Variants in MCF2L observed in about 807,000 individuals in gnomAD.
MCF2L encodes the protein MCF.2 cell line derived transforming sequence like.
Under a neutral mutation model 153.4 loss-of-function variants are expected in MCF2L, and 97 were observed. The observed-to-expected ratio is 0.63, with a 90% CI of 0.54 to 0.75. The LOEUF (loss-of-function observed/expected upper bound fraction) is 0.75. Ranked by LOEUF, MCF2L falls within the 30% of genes least tolerant of loss-of-function variation. The pLI is 0.00. For synonymous variants in MCF2L, 659 were observed against 632.2 expected (o/e 1.04, Z -0.64); for missense variants, 1,347 against 1,495.2 (o/e 0.90, Z 1.64).
intron 5 of MCF2L, among the ~76,000 whole-genome samples, chr13:113,063,622 G>A (rs2031902168): frequency 6.6e-6 from 1 of 152,212 alleles, no homozygotes; most frequent in Non-Finnish European, 1.5e-5. Context: ...CTGAGGTTTA[G>A]CTCAGGGGTT....
At chr13:113,013,568 A>C (rs188153074) in intron 1 of MCF2L, among the ~76,000 whole-genome samples, 9 of 152,308 alleles carry the variant, frequency 5.9e-5, no homozygotes, top group Non-Finnish European at 8.8e-5. Context: ...TGCCAGGTAG[A>C]TATTATCTGG....
At chr13:113,039,080 C>T (rs1417056036) in intron 3 of MCF2L, among the ~76,000 whole-genome samples, 27 of 152,118 alleles carry the variant, frequency 1.8e-4, no homozygotes. Flanking sequence ...TGGATGGTCT[C>T]GATCTCCTGA....
chr13:113,057,996 T>C (rs1333069716), intron 4 of MCF2L, among the ~76,000 whole-genome samples: 1 of 141,478 alleles, frequency 7.1e-6, no homozygotes, highest in Non-Finnish European at 1.5e-5. Context: ...GGGTGCTGAG[T>C]GTTTGGGCTC....
At chr13:113,033,410 G>A (rs1432571653) in intron 3 of MCF2L, among the ~76,000 whole-genome samples, 3 of 115,072 alleles carry the variant, frequency 2.6e-5, no homozygotes, top group Non-Finnish European at 3.8e-5. Flanking sequence ...AGTGGACCCC[G>A]TGGCGTGAGT....
At chr13:112,911,451 C>T (rs1022349460) in intron 2 of MCF2L, among the ~76,000 whole-genome samples, 24 of 152,254 alleles carry the variant, frequency 1.6e-4, no homozygotes, top group African/African-American at 5.8e-4. Flanking sequence ...AGGTTCTTCT[C>T]TCCCAGCGTG....
chr13:112,899,251 G>A (rs558530293), intron 1 of MCF2L, among the ~76,000 whole-genome samples: 17 of 152,280 alleles, frequency 1.1e-4, no homozygotes, highest in African/African-American at 3.9e-4. Context: ...GAGGCGCCTC[G>A]CTCAGCCCAG....
chr13:113,005,794 T>C (rs148298592), intron 1 of MCF2L, among the ~76,000 whole-genome samples: 46 of 152,308 alleles, frequency 3.0e-4, no homozygotes, highest in African/African-American at 1.1e-3. Flanking sequence ...AGTTTGGTGG[T>C]GGCTATGGTT....
chr13:113,029,304 C>G (rs1050965341), intron 3 of MCF2L, among the ~76,000 whole-genome samples: 1 of 152,122 alleles, frequency 6.6e-6, no homozygotes, highest in Non-Finnish European at 1.5e-5. Flanking sequence ...GTGGGGACCC[C>G]GTGCCTCCAG....
In MCF2L at chr13:113,087,733, C is replaced by T. The variant is rs745692431; in HGVS notation, c.2622C>T (p.Asn874=). 6.8e-6 allele frequency: 11 copies of T among 1,613,972 alleles called. No homozygotes were observed. Among genetic ancestry groups the T allele is most frequent in the East Asian group, 6.7e-5 (3 of 44,902 alleles). ...LNMAAVGITE[N]VKGDAKKFEI... is the part of the protein sequence containing the mutation. The stretch of plus-strand genomic sequence containing the variant: ...TGGCTGCCGTTGGCATTACGGAGAA[C>T]GTGAAGGGAGATGCTAAGAAGTTCG... Residue 874 remains asparagine (N), a synonymous_variant, in exon 23 of 30, where the codon AAC becomes AAT. Coordinates refer to ENST00000535094, the MANE Select transcript of MCF2L (RefSeq NM_001112732.3).
In MCF2L at chr13:113,054,036, A is replaced by C. The variant is rs1383041305; in HGVS notation, c.370-6557A>C. ...ACAACTTTGCTGGTGTCTGCTGAGA[A>C]GCCGAGGGGAGGTTCTGGGGCTTGG... On this transcript the variant is annotated intron_variant, in intron 4 of 29. Transcript: ENST00000535094. The surrounding 1 kb of genome is among the most constrained non-coding windows in gnomAD (Gnocchi z 5.2). 1.3e-5 allele frequency among the ~76,000 whole-genome samples: 2 copies of C among 152,118 alleles called. No homozygotes were observed. Among genetic ancestry groups the C allele is most frequent in the Non-Finnish European group, 2.9e-5 (2 of 68,020 alleles).
In MCF2L at chr13:113,046,056, T is replaced by C. The variant is rs1412972697; in HGVS notation, c.369+695T>C. ...TGCAGATTCTGCACGCTGCCTTCCATAGCAGAAGGGGAGCTGGGTTTGCTG... is the reference window on the plus strand; with the variant it reads ...TGCAGATTCTGCACGCTGCCTTCCACAGCAGAAGGGGAGCTGGGTTTGCTG... On this transcript the variant is annotated intron_variant, in intron 4 of 29. Transcript: ENST00000535094. This position sits in a 1 kb window ranked among gnomAD's most constrained non-coding sequence, Gnocchi z 4.4. The C allele has an allele frequency of 6.4e-6, 1 of 156,160 alleles. No homozygotes were observed. Among genetic ancestry groups the C allele is most frequent in the Non-Finnish European group, 1.4e-5 (1 of 70,704 alleles). 9.7% of individuals were successfully genotyped at this position (156,160 alleles called of 1,614,324 possible). A position where few individuals can be genotyped will look rare whatever the true frequency, so the allele number is the denominator to read the frequency against.
At chr13:113,018,880 G>A (rs888005476) in intron 2 of MCF2L, among the ~76,000 whole-genome samples, 1 of 152,192 alleles carries the variant, frequency 6.6e-6, no homozygotes, top group Admixed American at 6.5e-5. Flanking sequence ...TGGGAATTTC[G>A]TTTTGCTTTT....
intron 1 of MCF2L, among the ~76,000 whole-genome samples, chr13:112,988,740 C>A (rs369606886): frequency 3.2e-5 from 4 of 125,608 alleles, no homozygotes; most frequent in African/African-American, 9.2e-5. Flanking sequence ...CTACCACACC[C>A]GAGTCCTCCC....
chr13:113,081,489 C>G (rs1358268064), intron 16 of MCF2L, among the ~76,000 whole-genome samples: 1 of 152,262 alleles, frequency 6.6e-6, no homozygotes, highest in Non-Finnish European at 1.5e-5. Context: ...GGGGTCCGTA[C>G]AGGGGACAAG....
chr13:112,904,361 G>A lies in MCF2L; in HGVS notation c.169+1990G>A, dbSNP rs893855403. Among the ~76,000 whole-genome samples the A allele has an allele frequency of 6.6e-6, 1 of 152,144 alleles. No homozygotes were observed. ...GCCGTGGAGCAGAGCCTGGGCCCAC[G>A]CTCTGGCTTTGTTCCTGCCCCTGCT... On this transcript the variant is annotated intron_variant, in intron 2 of 29. Transcript: ENST00000375608. This position sits in a 1 kb window ranked among gnomAD's most constrained non-coding sequence, Gnocchi z 4.2.
At chr13:113,056,017 G>A (rs1258415704) in intron 4 of MCF2L, among the ~76,000 whole-genome samples, 1 of 152,214 alleles carries the variant, frequency 6.6e-6, no homozygotes, top group African/African-American at 2.4e-5. Context: ...CCTGCCAAGT[G>A]TGCCGGCCAC....
intron 2 of MCF2L, among the ~76,000 whole-genome samples, chr13:112,942,983 A>G (rs992649796): frequency 4.6e-5 from 7 of 152,180 alleles, no homozygotes; most frequent in Admixed American, 1.3e-4. Flanking sequence ...CATGTGTCCA[A>G]AGGATATGGT....
At chr13:112,986,696 G>A (rs2082656435) in intron 1 of MCF2L, among the ~76,000 whole-genome samples, 1 of 152,242 alleles carries the variant, frequency 6.6e-6, no homozygotes, top group Non-Finnish European at 1.5e-5. Context: ...GGTCTGCTGG[G>A]CGGGCCTGCC....
rs144501623 is a variant in MCF2L at position 112,914,589 on chromosome 13, G to A, written c.169+12218G>A. 1.7e-4 allele frequency among the ~76,000 whole-genome samples: 26 copies of A among 152,302 alleles called. No homozygotes were observed. In the East Asian group the frequency reaches 2.3e-3, roughly 14 times the overall value. On this transcript the variant is annotated intron_variant, in intron 2 of 29. Transcript: ENST00000375608. Reference sequence around the variant, plus strand: ...CTGTGAGCCACGTGATCATGGGAGCGGCTCCCTGCAGAGGTGTCTGATGGG... The same window carrying A: ...CTGTGAGCCACGTGATCATGGGAGCAGCTCCCTGCAGAGGTGTCTGATGGG...
Sources: allele counts gnomAD v4.1 joint callset (sites outside exome capture counted in the v4.1 genomes callset), GRCh38; gene constraint gnomAD v4.1.1; non-coding constraint Gnocchi (gnomAD v3.1); transcripts MANE v1.5; gene names NCBI Gene and HGNC (gene_info 2026-07-23, HGNC 2026-07-21).